The following DCPH1 variants were observed in gnomAD, a reference collection of about 807,000 sequenced individuals.
DCPH1 encodes damage control phosphatase 1, also known as damage-control phosphatase 1.
the DCPH1 span, chr6:151,452,693 T>A: frequency 1.7e-6 from 2 of 1,201,936 alleles, no homozygotes; most frequent in South Asian, 1.4e-5. Flanking sequence ...TGCGTTCGAG[T>A]CCCGCCGCCG....
At chr6:151,452,586 G>A in the DCPH1 span, 1 of 1,609,754 alleles carries the variant, frequency 6.2e-7, no homozygotes, top group Non-Finnish European at 8.5e-7. Flanking sequence ...CAGGACGTGG[G>A]GTTAGTCTAG....
the DCPH1 span, among the ~76,000 whole-genome samples, chr6:151,460,276 A>T: frequency 1.3e-5 from 2 of 151,492 alleles, no homozygotes; most frequent in Non-Finnish European, 2.9e-5. Context: ...TTTTGTAGAG[A>T]TGGGGTTTCG....
the DCPH1 span, chr6:151,469,206 G>A: frequency 9.7e-7 from 1 of 1,025,840 alleles, no homozygotes; most frequent in Non-Finnish European, 1.4e-6. Context: ...TGGCGGCTCT[G>A]TACGCGCTCA....
the DCPH1 span, chr6:151,454,491 G>T: frequency 2.5e-6 from 2 of 811,644 alleles, no homozygotes; most frequent in Non-Finnish European, 4.2e-6. Flanking sequence ...CTAAAAGATA[G>T]CCAGTCTTCT....
At chr6:151,463,299 C>T in the DCPH1 span, among the ~76,000 whole-genome samples, 2 of 152,258 alleles carry the variant, frequency 1.3e-5, no homozygotes, top group Middle Eastern at 3.4e-3. Flanking sequence ...AGCCAGTTTA[C>T]ATGCCTCAAA....
chr6:151,464,591 G>GA, the DCPH1 span: 1 of 1,608,350 alleles, frequency 6.2e-7, no homozygotes, highest in Non-Finnish European at 8.5e-7. Flanking sequence ...AAAATCAGCT[G>GA]AAAGATGAGT....
the DCPH1 span, among the ~76,000 whole-genome samples, chr6:151,456,922 A>G: frequency 7.2e-5 from 11 of 152,244 alleles, no homozygotes; most frequent in African/African-American, 2.2e-4. Context: ...CGTAATCACC[A>G]GGTGACTGAA....
At chr6:151,452,498 C>T in the DCPH1 span, 8 of 1,605,682 alleles carry the variant, frequency 5.0e-6, no homozygotes, top group South Asian at 3.3e-5. Flanking sequence ...GCCTCTGTTT[C>T]TGCGGCGATT....
At chr6:151,464,443 C>G in the DCPH1 span, 1 of 1,591,400 alleles carries the variant, frequency 6.3e-7, no homozygotes, top group Non-Finnish European at 8.6e-7. Context: ...TTGTTTTTCT[C>G]CTACTTTAGT....
the DCPH1 span, among the ~76,000 whole-genome samples, chr6:151,461,825 G>T: frequency 6.6e-6 from 1 of 152,240 alleles, no homozygotes; most frequent in African/African-American, 2.4e-5. Flanking sequence ...AAATGGGATA[G>T]AGGGAACATG....
chr6:151,466,830 G>A, the DCPH1 span, among the ~76,000 whole-genome samples: 10 of 152,314 alleles, frequency 6.6e-5, no homozygotes, highest in Admixed American at 5.9e-4. Context: ...CTCAGTCGCT[G>A]AAGGCCATCG....
the DCPH1 span, among the ~76,000 whole-genome samples, chr6:151,463,518 G>C: frequency 6.6e-5 from 10 of 152,126 alleles, no homozygotes; most frequent in Non-Finnish European, 1.0e-4. Flanking sequence ...TTCCTAAAGA[G>C]GAATTCCAAA....
chr6:151,456,977 A>G, the DCPH1 span, among the ~76,000 whole-genome samples: 1 of 152,142 alleles, frequency 6.6e-6, no homozygotes, highest in Non-Finnish European at 1.5e-5. Context: ...TTCACACTCT[A>G]CTGAGCACAG....
chr6:151,459,816 T>G, the DCPH1 span, among the ~76,000 whole-genome samples: 1 of 151,950 alleles, frequency 6.6e-6, no homozygotes, highest in Non-Finnish European at 1.5e-5. Context: ...AAACTGTTAT[T>G]TATAGTGCCA....
At chr6:151,459,710 G>A in the DCPH1 span, among the ~76,000 whole-genome samples, 1 of 152,140 alleles carries the variant, frequency 6.6e-6, no homozygotes, top group East Asian at 1.9e-4. Context: ...AGAATCACTT[G>A]AACCTGGGAG....
At chr6:151,469,502 C>G in the DCPH1 span, 1 of 157,352 alleles carries the variant, frequency 6.4e-6, no homozygotes, top group Non-Finnish European at 1.4e-5. Flanking sequence ...TTTAATATTC[C>G]AGGAAGCATG....
chr6:151,467,884 C>T, the DCPH1 span, among the ~76,000 whole-genome samples: 2 of 152,166 alleles, frequency 1.3e-5, no homozygotes, highest in South Asian at 4.1e-4. Context: ...GAACCAAATC[C>T]CAGAGAGGTG....
the DCPH1 span, chr6:151,464,462 C>T: frequency 2.2e-5 from 35 of 1,602,094 alleles, no homozygotes; most frequent in African/African-American, 3.4e-4. Context: ...GTCCACCAAT[C>T]GATTACTTTG....
the DCPH1 span, among the ~76,000 whole-genome samples, chr6:151,460,062 G>T: frequency 6.6e-6 from 1 of 151,686 alleles, no homozygotes; most frequent in African/African-American, 2.4e-5. Flanking sequence ...TATATATTTT[G>T]TTGTTGTTGT....
Sources: gnomAD v4.1 joint callset for allele counts (sites outside exome capture counted in the v4.1 genomes callset) on GRCh38, gnomAD v4.1.1 for gene constraint, MANE v1.5 for transcripts, NCBI Gene and HGNC (gene_info 2026-07-23, HGNC 2026-07-21) for gene names.